ADGRE1: variants seen among roughly 807,000 people sequenced by gnomAD.
ADGRE1 encodes the protein adhesion G protein-coupled receptor E1.
In ADGRE1, 82 loss-of-function variants were observed where a neutral mutation model predicts 102.7. The observed-to-expected ratio is 0.80, with a 90% CI of 0.67 to 0.96. The LOEUF (loss-of-function observed/expected upper bound fraction) is 0.96, where lower values mean the gene tolerates loss of function less well. ADGRE1 is among the 40% of genes least tolerant of loss of function. The probability of loss-of-function intolerance (pLI) is 0.00; values close to 1 mark genes in which losing one functional copy is unlikely to be tolerated. For missense variants in ADGRE1, 1,032 were observed against 1,085.3 expected, an observed-to-expected ratio of 0.95 and a Z score of 0.69; for synonymous variants, 398 against 399.6, an observed-to-expected ratio of 1.00 and a Z score of 0.05.
chr19:6,920,227 G>GTTT (rs1321527119), intron 13 of ADGRE1, among the ~76,000 whole-genome samples: 41,759 of 148,916 alleles, frequency 0.28, 7,376 homozygotes, highest in African/African-American at 0.49. Flanking sequence ...TGTGGTGGTT[G>GTTT]CTTCTTTTTT....
At chr19:6,923,822 A>G (rs1273417720) in intron 14 of ADGRE1, among the ~76,000 whole-genome samples, 1 of 151,422 alleles carries the variant, frequency 6.6e-6, no homozygotes, top group African/African-American at 2.4e-5. Context: ...TACAGGCATG[A>G]GCCACTGCGC....
intron 17 of ADGRE1, 27 bp downstream of exon 17, chr19:6,928,238 G>T (rs200848075): frequency 5.0e-6 from 8 of 1,613,990 alleles, no homozygotes; most frequent in Non-Finnish European, 6.8e-6. Flanking sequence ...ACAGCCTGGC[G>T]AAGTGTGTTC....
At chr19:6,916,103 C>A (rs1974369913) in intron 11 of ADGRE1, 146 bp from the exon 12 acceptor site, 3 of 775,108 alleles carry the variant, frequency 3.9e-6, no homozygotes, top group East Asian at 5.7e-5. Flanking sequence ...TCATCATGGG[C>A]CTCAAGATCT....
intron 12 of ADGRE1, among the ~76,000 whole-genome samples, 193 bp downstream of exon 12, chr19:6,916,561 G>A (rs1974393205): frequency 6.6e-6 from 1 of 150,674 alleles, no homozygotes; most frequent in South Asian, 2.1e-4. Flanking sequence ...CTGGAGTACT[G>A]AGACCTTCAC....
rs1973401081 is a variant in ADGRE1, at chr19:6,892,131, A to G, written c.94+1588A>G. Among the ~76,000 whole-genome samples the G allele has an allele frequency of 2.0e-5, 3 of 152,190 alleles. No homozygotes were observed. The South Asian group carries it at 6.2e-4, about 32-fold the overall frequency. ...AGACCACAAGTGATAAAATGCCGGA[A>G]GTCTGCATAGAGAAATGTTGCCTCT... On this transcript the variant is annotated intron_variant, in intron 2 of 20. Coordinates refer to ENST00000312053, the MANE Select transcript of ADGRE1 (RefSeq NM_001974.5).
chr19:6,928,887 C>T (rs927851602), intron 17 of ADGRE1, among the ~76,000 whole-genome samples: 4 of 150,996 alleles, frequency 2.6e-5, no homozygotes, highest in Admixed American at 1.3e-4. Context: ...TGCGGTGAGC[C>T]GAGATTGCGC....
At position 6,940,094 on chromosome 19, in the gene ADGRE1, C is replaced by A. The variant is rs1599780945; in HGVS notation, c.*65C>A. On this transcript the variant is annotated 3_prime_UTR_variant, in exon 21 of 21. Transcript: ENST00000312053. Reference sequence around the variant, plus strand: ...TGAGGACAGTAGTTTCCTGCAGGAGCCTACCCTGAAATCTCTTCTCAGCTT... The same window carrying A: ...TGAGGACAGTAGTTTCCTGCAGGAGACTACCCTGAAATCTCTTCTCAGCTT... The A allele has an allele frequency of 1.3e-6, 2 of 1,557,524 alleles. No individual in the cohort carries two copies. Among genetic ancestry groups the A allele is most frequent in the Middle Eastern group, 1.7e-4 (1 of 5,968 alleles).
rs540395898 is a variant in ADGRE1, at chr19:6,903,066, G to A, written c.662-744G>A. ...AAGTGTTACAGCTCCTGCAGAGCAG[G>A]GCTACTTCATAGGCAGAGAGCAGCA... On this transcript the variant is annotated intron_variant, in intron 6 of 20. Transcript: ENST00000312053. 2.1e-4 allele frequency among the ~76,000 whole-genome samples: 32 copies of A among 152,320 alleles called. No homozygotes were observed. The South Asian group carries it at 6.4e-3, about 31-fold the overall frequency.
rs1424070186 is a variant in ADGRE1 at position 6,921,796 on chromosome 19, G to T, written c.1704G>T (p.Val568=). The T allele has an allele frequency of 1.4e-5, 22 of 1,614,006 alleles. No homozygotes were observed. The East Asian group carries it at 4.9e-4, about 36-fold the overall frequency. Residue 568 remains valine, a synonymous_variant, in exon 14 of 21, where the codon GTG becomes GTT. Coordinates refer to ENST00000312053, the MANE Select transcript of ADGRE1 (RefSeq NM_001974.5). ...KGGRWTSFGC[V]ILEASETYTI... ...GAAGATGGACATCCTTTGGCTGTGTGATCCTGGAAGCTTCTGAGACATATA... is the reference window on the plus strand; with the variant it reads ...GAAGATGGACATCCTTTGGCTGTGTTATCCTGGAAGCTTCTGAGACATATA...
At chr19:6,933,510 C>T (rs1189692781) in intron 17 of ADGRE1, among the ~76,000 whole-genome samples, 2 of 151,652 alleles carry the variant, frequency 1.3e-5, no homozygotes, top group African/African-American at 2.4e-5. Context: ...GCCTCAGCCT[C>T]TGCGGTAGCT....
chr19:6,935,269 A>T (rs1457623108), intron 18 of ADGRE1, among the ~76,000 whole-genome samples, 191 bp downstream of exon 18: 1 of 152,080 alleles, frequency 6.6e-6, no homozygotes, highest in African/African-American at 2.4e-5. Context: ...GTGTGACCTT[A>T]GGCAAGTTAC....
At chr19:6,933,490 C>T (rs1417781486) in intron 17 of ADGRE1, among the ~76,000 whole-genome samples, 2 of 150,894 alleles carry the variant, frequency 1.3e-5, no homozygotes, top group African/African-American at 4.9e-5. Flanking sequence ...CAGGTTCAAG[C>T]GATTCTCCTG....
intron 10 of ADGRE1, among the ~76,000 whole-genome samples, chr19:6,911,724 CCACATGCACA>C (rs1256482052): frequency 4.6e-5 from 7 of 151,638 alleles, no homozygotes; most frequent in East Asian, 3.9e-4. Context: ...TACACCTCCC[CCACATGCACA>C]CACATGCACA....
intron 10 of ADGRE1, among the ~76,000 whole-genome samples, chr19:6,911,321 A>G (rs753090961): frequency 6.9e-6 from 1 of 145,296 alleles, no homozygotes; most frequent in Non-Finnish European, 1.5e-5. Context: ...TTCCTCTACC[A>G]TCTGACTGGA....
chr19:6,935,032 A>C lies in ADGRE1; in HGVS notation c.2335A>C (p.Arg779=), dbSNP rs752511804. Residue 779 remains arginine, a synonymous_variant, in exon 18 of 21, where the codon AGG becomes CGG. Coordinates refer to ENST00000312053, the MANE Select transcript of ADGRE1 (RefSeq NM_001974.5). Reference sequence around the variant, plus strand: ...CTGGACCTTGTGGATCCTGAGGCAGAGGCTTTCCAGTGTTAATGCCGAAGT... The same window carrying C: ...CTGGACCTTGTGGATCCTGAGGCAGCGGCTTTCCAGTGTTAATGCCGAAGT... ...LTWTLWILRQ[R]LSSVNAEVST... The C allele has an allele frequency of 6.2e-7, 1 of 1,600,928 alleles. No homozygotes were observed. Among genetic ancestry groups the C allele is most frequent in the South Asian group, 1.1e-5 (1 of 89,250 alleles).
At chr19:6,888,120 A>G (rs1973215350) in intron 1 of ADGRE1, among the ~76,000 whole-genome samples, 1 of 152,186 alleles carries the variant, frequency 6.6e-6, no homozygotes, top group Admixed American at 6.5e-5. Flanking sequence ...AGATAAAATA[A>G]TTTTCCCAAG....
intron 12 of ADGRE1, 128 bp from the exon 13 acceptor site, chr19:6,919,420 C>G (rs1238927862): frequency 1.7e-6 from 1 of 596,872 alleles, no homozygotes; most frequent in East Asian, 4.1e-5. Flanking sequence ...CTCTCTCTCT[C>G]TCTCTCTCCC....
chr19:6,889,273 GATA>G (rs200017196), intron 1 of ADGRE1, among the ~76,000 whole-genome samples: 3,206 of 151,876 alleles, frequency 0.021, 107 homozygotes, highest in African/African-American at 0.072. Flanking sequence ...TGATGATGGT[GATA>G]ATAATGATGA....
chr19:6,913,739 A>C lies in ADGRE1; in HGVS notation c.1209A>C (p.Thr403=). 6.2e-7 allele frequency: 1 copy of C among 1,613,464 alleles called. No homozygotes were observed. The highest frequency in any genetic ancestry group is 8.5e-7 in the Non-Finnish European group (1 of 1,179,668). The change falls in exon 11 of 21, where the codon ACA becomes ACC. Residue 403 remains threonine, a synonymous_variant. Coordinates refer to ENST00000312053, the MANE Select transcript of ADGRE1 (RefSeq NM_001974.5). ...FTKEETSSLA[T]VFLESVESMT... Reference sequence around the variant, plus strand: ...AGGAAGAGACGTCCTCCCTGGCCACAGTCTTCCTGGAGAGTGTGGAAAGCA... The same window carrying C: ...AGGAAGAGACGTCCTCCCTGGCCACCGTCTTCCTGGAGAGTGTGGAAAGCA...
Sources: allele counts gnomAD v4.1 joint callset (sites outside exome capture counted in the v4.1 genomes callset), GRCh38; gene constraint gnomAD v4.1.1; transcripts MANE v1.5; gene names NCBI Gene and HGNC (gene_info 2026-07-23, HGNC 2026-07-21).